CNTNAP2: variants seen among roughly 807,000 people sequenced by gnomAD.
The protein encoded by CNTNAP2 is contactin-associated protein-like 2.
A neutral mutation model predicts 155.2 loss-of-function variants in CNTNAP2; 98 were observed. That is an observed-to-expected ratio of 0.63 (90% CI 0.54 to 0.75). The LOEUF (loss-of-function observed/expected upper bound fraction) is 0.75. Ranked by LOEUF, CNTNAP2 falls within the 30% of genes least tolerant of loss-of-function variation. CNTNAP2 has a pLI of 0.00. For missense variants in CNTNAP2, 1,727 were observed against 1,688.1 expected, an observed-to-expected ratio of 1.02 and a Z score of -0.40; for synonymous variants, 651 against 631.2, an observed-to-expected ratio of 1.03 and a Z score of -0.47.
chr7:147,166,907 G>A (rs1802124633), intron 8 of CNTNAP2, among the ~76,000 whole-genome samples: 1 of 152,118 alleles, frequency 6.6e-6, no homozygotes, highest in Admixed American at 6.5e-5. Context: ...GGGCTCAGAG[G>A]CCTGACATTA....
At chr7:146,960,384 A>T (rs1368539281) in intron 3 of CNTNAP2, among the ~76,000 whole-genome samples, 1 of 152,184 alleles carries the variant, frequency 6.6e-6, no homozygotes, top group Admixed American at 6.5e-5. Context: ...CCAGTTAGGA[A>T]TTGGACAATC....
intron 17 of CNTNAP2, among the ~76,000 whole-genome samples, chr7:148,166,970 A>G (rs963378264): frequency 6.6e-6 from 1 of 152,174 alleles, no homozygotes; most frequent in African/African-American, 2.4e-5. Flanking sequence ...TTTTCTTCAT[A>G]TTGACTAGAT....
intron 15 of CNTNAP2, among the ~76,000 whole-genome samples, chr7:148,000,311 GA>G (rs1801873917): frequency 6.6e-6 from 1 of 152,174 alleles, no homozygotes; most frequent in Admixed American, 6.5e-5. Context: ...CAGAGGGGAA[GA>G]AGCCTTTGTG....
intron 1 of CNTNAP2, among the ~76,000 whole-genome samples, chr7:146,317,341 CAT>C (rs1436712671): frequency 2.0e-5 from 3 of 152,066 alleles, no homozygotes; most frequent in Admixed American, 6.6e-5. Context: ...TTTTTTGTCC[CAT>C]CTTTCTGAGA....
intron 13 of CNTNAP2, among the ~76,000 whole-genome samples, chr7:147,716,195 G>A (rs1431691026): frequency 1.3e-5 from 2 of 152,114 alleles, no homozygotes; most frequent in Middle Eastern, 6.3e-3. Context: ...CCATGTTGAA[G>A]TTACCTTGTT....
intron 8 of CNTNAP2, among the ~76,000 whole-genome samples, chr7:147,273,808 A>G (rs928604063): frequency 6.8e-6 from 1 of 146,936 alleles, no homozygotes; most frequent in Non-Finnish European, 1.5e-5. Flanking sequence ...TTTTATATCT[A>G]TACATATATA....
chr7:147,697,695 A>C (rs1443075023), intron 13 of CNTNAP2, among the ~76,000 whole-genome samples: 2 of 152,164 alleles, frequency 1.3e-5, no homozygotes, highest in Non-Finnish European at 2.9e-5. Flanking sequence ...GGAGGAGACC[A>C]CAGCTGTGCA....
At chr7:147,294,604 A>G (rs1437607675) in intron 8 of CNTNAP2, among the ~76,000 whole-genome samples, 2 of 152,140 alleles carry the variant, frequency 1.3e-5, no homozygotes, top group African/African-American at 2.4e-5. Flanking sequence ...TCTTGTTTAG[A>G]AAGCTTATCA....
intron 1 of CNTNAP2, among the ~76,000 whole-genome samples, chr7:146,182,169 C>A (rs1798558759): frequency 6.6e-6 from 1 of 151,990 alleles, no homozygotes; most frequent in Non-Finnish European, 1.5e-5. Context: ...TGAAAGCAAA[C>A]TGGAGAGGAA....
rs77986676 is a variant in CNTNAP2 at position 147,202,052 on chromosome 7, C to T, written c.1348+69543C>T. Among the ~76,000 whole-genome samples the T allele has an allele frequency of 2.4e-4, 36 of 150,990 alleles. No homozygotes were observed. In the East Asian group the frequency reaches 3.9e-3, roughly 16 times the overall value. On this transcript the variant is annotated intron_variant, in intron 8 of 23. Coordinates refer to ENST00000361727, the MANE Select transcript of CNTNAP2 (RefSeq NM_014141.6). ...TTTCTAACCATAAATATTTGCATTACGAGAATAAAGATGAAAATAAACCAA... is the reference window on the plus strand; with the variant it reads ...TTTCTAACCATAAATATTTGCATTATGAGAATAAAGATGAAAATAAACCAA...
intron 10 of CNTNAP2, among the ~76,000 whole-genome samples, chr7:147,422,717 C>T (rs549326952): frequency 2.6e-5 from 4 of 152,036 alleles, no homozygotes; most frequent in Non-Finnish European, 4.4e-5. Context: ...TTCTTTACAT[C>T]GAGGATCAAT....
intron 3 of CNTNAP2, among the ~76,000 whole-genome samples, chr7:146,883,571 C>T (rs957962245): frequency 3.4e-4 from 51 of 152,190 alleles, no homozygotes; most frequent in African/African-American, 1.1e-3. Context: ...GAAGATTTTG[C>T]GAGAACTCAG....
chr7:146,933,100 A>G (rs958606387), intron 3 of CNTNAP2, among the ~76,000 whole-genome samples: 2 of 152,086 alleles, frequency 1.3e-5, no homozygotes, highest in Admixed American at 1.3e-4. Flanking sequence ...TAAAGTTCAT[A>G]TGGCACCAAA....
At chr7:146,643,876 C>T (rs911076971) in intron 1 of CNTNAP2, among the ~76,000 whole-genome samples, 20 of 151,512 alleles carry the variant, frequency 1.3e-4, no homozygotes, top group African/African-American at 3.9e-4. Context: ...AGGTCCTTCA[C>T]GTCTCTTGTA....
intron 4 of CNTNAP2, among the ~76,000 whole-genome samples, chr7:147,047,058 C>A (rs1425304783): frequency 6.8e-6 from 1 of 147,290 alleles, no homozygotes; most frequent in Non-Finnish European, 1.5e-5. Flanking sequence ...AAAGTGTAGC[C>A]ATTCTGGTGA....
rs1799409031 is a variant in CNTNAP2 at position 147,530,285 on chromosome 7, A to C, written c.1778-31853A>C. Among the ~76,000 whole-genome samples, 9 of 150,532 alleles carry C rather than the reference A, an allele frequency of 6.0e-5. 1 individual carries two copies. In the South Asian group the frequency reaches 1.9e-3, roughly 31 times the overall value. ...ACCACAACCTCCACCTCCTGGGTTC[A>C]AGTGATTCATCAGCCTTCCAAGTAG... On this transcript the variant is annotated intron_variant, in intron 11 of 23. Transcript: ENST00000361727.
chr7:148,078,680 C>T (rs1249745051), intron 15 of CNTNAP2, among the ~76,000 whole-genome samples: 4 of 152,078 alleles, frequency 2.6e-5, no homozygotes, highest in Non-Finnish European at 4.4e-5. Context: ...AGGGTTTCAC[C>T]ATGTTGTCCA....
At chr7:147,681,858 G>T (rs934723685) in intron 13 of CNTNAP2, among the ~76,000 whole-genome samples, 1 of 151,700 alleles carries the variant, frequency 6.6e-6, no homozygotes, top group Non-Finnish European at 1.5e-5. Flanking sequence ...GGCATATATG[G>T]GACTTAGTGC....
At chr7:148,074,281 C>T (rs1057048388) in intron 15 of CNTNAP2, among the ~76,000 whole-genome samples, 10 of 152,158 alleles carry the variant, frequency 6.6e-5, no homozygotes, top group Admixed American at 1.3e-4. Flanking sequence ...TCAAACCATA[C>T]AGTGTGCACC....
Sources: gnomAD v4.1 joint callset for allele counts (sites outside exome capture counted in the v4.1 genomes callset) on GRCh38, gnomAD v4.1.1 for gene constraint, MANE v1.5 for transcripts, NCBI Gene and HGNC (gene_info 2026-07-23, HGNC 2026-07-21) for gene names.